The following ZBTB20 variants were observed in gnomAD, a reference collection of about 807,000 sequenced individuals.
ZBTB20 encodes the protein zinc finger and BTB domain-containing protein 20.
In ZBTB20, 9 loss-of-function variants were observed where a neutral mutation model predicts 56.9. The ratio of observed to expected loss-of-function variants is 0.16; its 90% confidence interval spans 0.10 to 0.28. ZBTB20 has a LOEUF of 0.28. ZBTB20 is among the 10% of genes least tolerant of loss of function. The probability of loss-of-function intolerance (pLI) is 1.00; values close to 1 mark genes in which losing one functional copy is unlikely to be tolerated. For missense variants in ZBTB20, 655 were observed against 1,003.0 expected (o/e 0.65, Z 4.69); for synonymous variants, 417 against 420.7 (o/e 0.99, Z 0.11).
intron 6 of ZBTB20, among the ~76,000 whole-genome samples, chr3:114,676,435 T>C (rs963746733): frequency 2.6e-5 from 4 of 152,206 alleles, no homozygotes; most frequent in Non-Finnish European, 5.9e-5. Context: ...CAATGTTCTA[T>C]AAACATTAAG....
In ZBTB20 at chr3:114,380,885, C is replaced by T; in HGVS notation, c.-98G>A. On this transcript the variant is annotated 5_prime_UTR_variant, in exon 9 of 12. Coordinates refer to ENST00000675478, the MANE Select transcript of ZBTB20 (RefSeq NM_001348800.3). The stretch of plus-strand genomic sequence containing the variant: ...GCTACCGTACTAGCTGTGCCTCTAA[C>T]TTGCTGTGTGGCCTTGGGCACCTCA... 8.6e-7 allele frequency: 1 copy of T among 1,159,834 alleles called. No individual in the cohort carries two copies. The highest frequency in any genetic ancestry group is 1.6e-5 in the African/African-American group (1 of 63,038). 71.8% of individuals were successfully genotyped at this position (1,159,834 alleles called of 1,614,324 possible).
Position 114,946,532 on chromosome 3 carries a change from TA to T in ZBTB20, c.-456+27833del, listed in dbSNP as rs1377461317. On this transcript the variant is annotated intron_variant, in intron 3 of 11. Coordinates refer to ENST00000675478, the MANE Select transcript of ZBTB20 (RefSeq NM_001348800.3). ...CCTTAACAGGAATGAAAAAATGGAG[TA>T]TTGTTACAGATGCTACAGACATAGT... 1.4e-5 allele frequency among the ~76,000 whole-genome samples: 2 copies of T among 144,660 alleles called. 1 individual carries two copies. Among genetic ancestry groups the T allele is most frequent in the African/African-American group, 5.7e-5 (2 of 35,188 alleles). 94.9% of individuals were successfully genotyped at this position (144,660 alleles called of 152,430 possible).
chr3:114,699,004 ATCTTAGGCTATATTGC>A (rs1474272894), intron 5 of ZBTB20, among the ~76,000 whole-genome samples: 1 of 152,160 alleles, frequency 6.6e-6, no homozygotes, highest in Non-Finnish European at 1.5e-5. Flanking sequence ...TTTACAAGAA[ATCTTAGGCTATATTGC>A]TCTATCATTA....
intron 1 of ZBTB20, among the ~76,000 whole-genome samples, chr3:115,101,637 G>T (rs1434987278): frequency 6.6e-6 from 1 of 152,066 alleles, no homozygotes; most frequent in East Asian, 1.9e-4. Flanking sequence ...TTGGCTATGT[G>T]TCATTTAGAT....
chr3:114,853,689 A>AT (rs149079513), intron 4 of ZBTB20, among the ~76,000 whole-genome samples: 2 of 152,190 alleles, frequency 1.3e-5, no homozygotes, highest in African/African-American at 4.8e-5. Flanking sequence ...TAAATAGGAG[A>AT]TTTTAAAAAT....
intron 6 of ZBTB20, among the ~76,000 whole-genome samples, chr3:114,543,065 A>G (rs918349839): frequency 6.6e-6 from 1 of 152,016 alleles, no homozygotes; most frequent in Admixed American, 6.6e-5. Flanking sequence ...CCAGGACCCC[A>G]CTGCAGATAC....
intron 6 of ZBTB20, among the ~76,000 whole-genome samples, chr3:114,631,149 T>C (rs948743973): frequency 3.9e-5 from 6 of 152,038 alleles, no homozygotes; most frequent in Admixed American, 2.6e-4. Flanking sequence ...TATACAGAAG[T>C]ACTAAGCTAT....
intron 4 of ZBTB20, among the ~76,000 whole-genome samples, chr3:114,894,867 A>G (rs1230867038): frequency 2.0e-5 from 3 of 152,174 alleles, no homozygotes; most frequent in Non-Finnish European, 2.9e-5. Context: ...AATTCCATTA[A>G]TCATCAATAT....
At chr3:114,669,895 CA>C (rs2061268736) in intron 6 of ZBTB20, among the ~76,000 whole-genome samples, 1 of 151,970 alleles carries the variant, frequency 6.6e-6, no homozygotes, top group African/African-American at 2.4e-5. Context: ...AATTATTCTG[CA>C]AACATTTAAC....
At chr3:114,455,044 AAGAGAGAGAGGGGGGGGAG>A (rs2091920249) in intron 7 of ZBTB20, among the ~76,000 whole-genome samples, 1 of 111,570 alleles carries the variant, frequency 9.0e-6, no homozygotes, top group Non-Finnish European at 1.9e-5. Context: ...AGAGAGGGGG[AAGAGAGAGAGGGGGGGGAG>A]AGAGAGAGAG....
chr3:114,394,617 T>C (rs553227679), intron 7 of ZBTB20, among the ~76,000 whole-genome samples: 1 of 152,166 alleles, frequency 6.6e-6, no homozygotes, highest in Non-Finnish European at 1.5e-5. Context: ...TGATTCAGCA[T>C]GTCTGGGGTG....
chr3:114,708,262 C>T lies in ZBTB20; in HGVS notation c.-342-14687G>A, dbSNP rs1394757144. ...AAGAGTTAAATTAAGTCTGCTATAA[C>T]TGGTGGACCAGAAAGGACTCAGAGA... On this transcript the variant is annotated intron_variant, in intron 5 of 11. Coordinates refer to ENST00000675478, the MANE Select transcript of ZBTB20 (RefSeq NM_001348800.3). 2.6e-5 allele frequency among the ~76,000 whole-genome samples: 4 copies of T among 152,118 alleles called. No individual in the cohort carries two copies. In the South Asian group the frequency reaches 6.2e-4, roughly 24 times the overall value.
chr3:115,041,812 A>G (rs908286532), intron 2 of ZBTB20, among the ~76,000 whole-genome samples: 1 of 152,232 alleles, frequency 6.6e-6, no homozygotes, highest in African/African-American at 2.4e-5. Flanking sequence ...TGCCTTTAAA[A>G]TTAGACGCAA....
intron 11 of ZBTB20, among the ~76,000 whole-genome samples, chr3:114,340,275 A>G (rs1165146885): frequency 1.3e-5 from 2 of 152,146 alleles, no homozygotes; most frequent in African/African-American, 4.8e-5. Flanking sequence ...GCTGGTGTTG[A>G]CATAAAATAC....
chr3:114,895,408 G>A (rs965625768), intron 4 of ZBTB20, among the ~76,000 whole-genome samples: 3 of 152,092 alleles, frequency 2.0e-5, no homozygotes, highest in African/African-American at 7.2e-5. Context: ...GAGTTGTCTG[G>A]GTTGTGTCAA....
At chr3:114,597,422 CT>C (rs1018605160) in intron 6 of ZBTB20, among the ~76,000 whole-genome samples, 10 of 152,086 alleles carry the variant, frequency 6.6e-5, no homozygotes, top group African/African-American at 2.4e-4. Flanking sequence ...GTAAAGGAAG[CT>C]TTTTTACTTT....
intron 6 of ZBTB20, among the ~76,000 whole-genome samples, chr3:114,627,398 C>A (rs993962044): frequency 6.6e-6 from 1 of 152,168 alleles, no homozygotes; most frequent in African/African-American, 2.4e-5. Flanking sequence ...AAAAGTCCCA[C>A]ATATGGCCCA....
intron 3 of ZBTB20, among the ~76,000 whole-genome samples, chr3:114,937,387 CAT>C (rs1002947078): frequency 1.3e-5 from 2 of 151,300 alleles, no homozygotes; most frequent in African/African-American, 2.4e-5. Context: ...AGCTTTTTTT[CAT>C]ATGTTTGTTG....
chr3:114,702,994 TTGTG>T (rs138375005), intron 5 of ZBTB20, among the ~76,000 whole-genome samples: 13 of 146,090 alleles, frequency 8.9e-5, no homozygotes, highest in East Asian at 6.1e-4. Context: ...TTACACAAAT[TTGTG>T]TGTGTGTGTG....
Sources: gnomAD v4.1 joint callset for allele counts (sites outside exome capture counted in the v4.1 genomes callset) on GRCh38, gnomAD v4.1.1 for gene constraint, MANE v1.5 for transcripts, NCBI Gene and HGNC (gene_info 2026-07-23, HGNC 2026-07-21) for gene names.